The following INTS10 variants were observed in gnomAD, a reference collection of about 807,000 sequenced individuals.
INTS10 encodes chromosome 8 open reading frame 35.
A neutral mutation model predicts 94.4 loss-of-function variants in INTS10; 44 were observed. The ratio of observed to expected loss-of-function variants is 0.47; its 90% CI spans 0.37 to 0.60. INTS10 has a LOEUF of 0.60. Ranked by LOEUF, INTS10 falls within the 20% of genes least tolerant of loss-of-function variation. INTS10 has a pLI of 0.00. For missense variants in INTS10, 797 were observed against 868.7 expected, an observed-to-expected ratio of 0.92 and a Z score of 1.04; for synonymous variants, 341 against 320.7, an observed-to-expected ratio of 1.06 and a Z score of -0.68.
intron 6 of INTS10, 31 bp from the exon 7 acceptor site, chr8:19,823,842 A>G (rs1368814368): frequency 1.3e-6 from 2 of 1,544,276 alleles, no homozygotes; most frequent in African/African-American, 2.8e-5. Flanking sequence ...TCATAATGTT[A>G]ATTGTAGGCT....
chr8:19,818,253 G>C, intron 1 of INTS10, 22 bp from the exon 2 acceptor site: 1 of 1,613,080 alleles, frequency 6.2e-7, no homozygotes, highest in South Asian at 1.1e-5. Flanking sequence ...TGAGTGACCA[G>C]GGTGCCTGAT....
At position 19,845,698 on chromosome 8, in the gene INTS10, C is replaced by T; in HGVS notation, c.1883-6C>T. 2 of 1,608,376 alleles carry T rather than the reference C, an allele frequency of 1.2e-6. No homozygotes were observed. Among genetic ancestry groups the T allele is most frequent in the Non-Finnish European group, 1.7e-6 (2 of 1,174,840 alleles). ...TACATGTGGTTAACCTGAATCTGGC[C>T]TGCAGATATTGATATGCTGGAGGAA... On this transcript the variant is annotated splice_region_variant and splice_polypyrimidine_tract_variant and intron_variant, in intron 15 of 16. Transcript: ENST00000397977.
At chr8:19,840,186 CA>C (rs917833195) in intron 13 of INTS10, among the ~76,000 whole-genome samples, 14 of 149,266 alleles carry the variant, frequency 9.4e-5, no homozygotes, top group Admixed American at 1.3e-4. Flanking sequence ...TTTCTAATAG[CA>C]TCAAAAAAAC....
At chr8:19,835,198 T>A (rs556860155) in intron 12 of INTS10, among the ~76,000 whole-genome samples, 1 of 152,322 alleles carries the variant, frequency 6.6e-6, no homozygotes, top group South Asian at 2.1e-4. Context: ...ATTTCTATTG[T>A]CACCACCCTA....
chr8:19,824,044 G>A lies in INTS10; in HGVS notation c.836G>A (p.Arg279Gln). 2 of 1,583,910 alleles carry A rather than the reference G, an allele frequency of 1.3e-6. No homozygotes were observed. The highest frequency in any genetic ancestry group is 1.7e-6 in the Non-Finnish European group (2 of 1,167,246). ...RCEWQMDKGR[R>Q]SYGDILHRMK... ...GAATGGCAGATGGATAAAGGAAGAC[G>A]GTAATAAATAGCTTATTTCCAGAAT... Residue 279 changes from arginine (R) to glutamine (Q), a missense_variant and splice_region_variant, in exon 7 of 17, where the codon CGA becomes CAA. Physicochemically the swap from Arg to Gln is conservative, Grantham distance 43. Around this residue, in one of 3 missense-constraint regions of INTS10, gnomAD observed 734 missense variants for 787.8 expected, o/e 0.93. Coordinates refer to ENST00000397977, the MANE Select transcript of INTS10 (RefSeq NM_018142.4).
At chr8:19,830,752 A>G (rs1456941886) in intron 10 of INTS10, among the ~76,000 whole-genome samples, 193 bp downstream of exon 10, 2 of 152,044 alleles carry the variant, frequency 1.3e-5, no homozygotes, top group African/African-American at 4.8e-5. Context: ...GGCTCACTGC[A>G]ACGCTCACCT....
rs755908668 is a variant in INTS10, at chr8:19,822,540, C to T, written c.523+20C>T. 2.2e-6 allele frequency: 3 copies of T among 1,383,572 alleles called. No individual in the cohort carries two copies. The highest frequency in any genetic ancestry group is 3.1e-6 in the Non-Finnish European group (3 of 973,890). 85.7% of individuals were successfully genotyped at this position (1,383,572 alleles called of 1,614,324 possible). On this transcript the variant is annotated intron_variant, in intron 5 of 16. Coordinates refer to ENST00000397977, the MANE Select transcript of INTS10 (RefSeq NM_018142.4). ...TATTTGGTAAGGAAAATTGTATTCT[C>T]TATTACTTCTATGGTAAATTAATAT...
At chr8:19,839,482 T>A (rs2067943240) in intron 13 of INTS10, among the ~76,000 whole-genome samples, 1 of 152,190 alleles carries the variant, frequency 6.6e-6, no homozygotes, top group Non-Finnish European at 1.5e-5. Flanking sequence ...GGTGGATTGC[T>A]TGAGCCCAGG....
chr8:19,819,560 A>T lies in INTS10; in HGVS notation c.198-13A>T, dbSNP rs1269688081. 7 of 1,583,344 alleles carry T rather than the reference A, an allele frequency of 4.4e-6. No homozygotes were observed. Among genetic ancestry groups the T allele is most frequent in the Non-Finnish European group, 5.2e-6 (6 of 1,158,298 alleles). On this transcript the variant is annotated splice_polypyrimidine_tract_variant and intron_variant, in intron 2 of 16. Coordinates refer to ENST00000397977, the MANE Select transcript of INTS10 (RefSeq NM_018142.4). ...TTTGACATTTTAATTTAATGTATTT[A>T]TTTTAAAAATAGGTTTGTGAATTTC...
intron 12 of INTS10, among the ~76,000 whole-genome samples, chr8:19,834,023 T>C (rs1024922963): frequency 5.9e-4 from 79 of 134,610 alleles, no homozygotes; most frequent in Middle Eastern, 4.0e-3. Flanking sequence ...AAAAAAAAAA[T>C]GGTGATAATA....
intron 16 of INTS10, among the ~76,000 whole-genome samples, chr8:19,848,467 G>C (rs2068755887): frequency 6.6e-6 from 1 of 152,178 alleles, no homozygotes; most frequent in African/African-American, 2.4e-5. Context: ...AGTTGTATTA[G>C]AGTGGATTAA....
At chr8:19,819,465 G>A (rs1205999660) in intron 2 of INTS10, 108 bp from the exon 3 acceptor site, 2 of 707,844 alleles carry the variant, frequency 2.8e-6, no homozygotes, top group Admixed American at 3.0e-5. Context: ...GCACGTCTAA[G>A]CATTCACTTG....
At position 19,845,714 on chromosome 8, in the gene INTS10, G is replaced by T; in HGVS notation, c.1893G>T (p.Met631Ile). The change falls in exon 16 of 17, where the codon ATG becomes ATT. Residue 631 changes from methionine to isoleucine, a missense_variant. Met to Ile is a conservative substitution (Grantham distance 10). This residue lies in a region of INTS10 where 734 missense variants were observed against 787.8 expected (regional missense o/e 0.93). Coordinates refer to ENST00000397977, the MANE Select transcript of INTS10 (RefSeq NM_018142.4). ...NFFNYVTNIDMLEEFAYLRTQ... is the reference protein window; with the variant it reads ...NFFNYVTNIDILEEFAYLRTQ... Reference sequence around the variant, plus strand: ...GAATCTGGCCTGCAGATATTGATATGCTGGAGGAATTTGCCTACTTGAGAA... The same window carrying T: ...GAATCTGGCCTGCAGATATTGATATTCTGGAGGAATTTGCCTACTTGAGAA... 6.2e-7 allele frequency: 1 copy of T among 1,612,646 alleles called. No homozygotes were observed. The highest frequency in any genetic ancestry group is 8.5e-7 in the Non-Finnish European group (1 of 1,178,674).
chr8:19,852,039 T>C lies in INTS10; in HGVS notation c.*234T>C. 1 of 343,520 alleles carries C rather than the reference T, an allele frequency of 2.9e-6. No homozygotes were observed. Among genetic ancestry groups the C allele is most frequent in the Middle Eastern group, 8.0e-4 (1 of 1,254 alleles). 21.3% of individuals were successfully genotyped at this position (343,520 alleles called of 1,614,324 possible). ...GTAAAACAAAAGTACCAATCTGTTT[T>C]GTAAATAAAAATCATCCTAAAATTT... On this transcript the variant is annotated 3_prime_UTR_variant, in exon 17 of 17. Coordinates refer to ENST00000397977, the MANE Select transcript of INTS10 (RefSeq NM_018142.4).
intron 13 of INTS10, chr8:19,837,517 C>G (rs1410517629): frequency 5.6e-6 from 1 of 179,800 alleles, no homozygotes; most frequent in Non-Finnish European, 1.2e-5. Context: ...CTCTTCACTT[C>G]CTGAGTGTGT....
intron 12 of INTS10, among the ~76,000 whole-genome samples, chr8:19,836,302 T>C (rs906504500): frequency 3.9e-5 from 6 of 151,946 alleles, no homozygotes; most frequent in African/African-American, 1.5e-4. Context: ...AAAGGCTCAT[T>C]GCATGGAATC....
chr8:19,840,062 CAAAAAA>C (rs56275270), intron 13 of INTS10, among the ~76,000 whole-genome samples: 4 of 70,328 alleles, frequency 5.7e-5, no homozygotes, highest in South Asian at 7.0e-4. Context: ...GACCTTGTCT[CAAAAAA>C]AAAAAAAAAA....
intron 1 of INTS10, 28 bp downstream of exon 1, chr8:19,817,694 C>T: frequency 6.3e-7 from 1 of 1,592,994 alleles, no homozygotes; most frequent in Non-Finnish European, 8.5e-7. Context: ...CATGCGGCCG[C>T]TCTGCGTGGA....
At chr8:19,824,714 A>G (rs555247090) in intron 7 of INTS10, 89 bp from the exon 8 acceptor site, 1 of 812,654 alleles carries the variant, frequency 1.2e-6, no homozygotes, top group African/African-American at 1.7e-5. Flanking sequence ...CATTTGGTAC[A>G]TGTAATGGTA....
Sources: allele counts gnomAD v4.1 joint callset (sites outside exome capture counted in the v4.1 genomes callset), GRCh38; gene constraint gnomAD v4.1.1; regional missense constraint gnomAD v4.1.1; transcripts MANE v1.5; gene names NCBI Gene and HGNC (gene_info 2026-07-23, HGNC 2026-07-21).